Variants in MTMR1 observed in about 807,000 individuals in gnomAD.
The protein encoded by MTMR1 is myotubularin related protein 1.
A neutral mutation model predicts 51.6 loss-of-function variants in MTMR1; 17 were observed. The observed-to-expected ratio is 0.33, with a 90% CI of 0.23 to 0.49. MTMR1 has a LOEUF of 0.49. Ranked by LOEUF, MTMR1 falls within the 20% of genes least tolerant of loss-of-function variation. The pLI is 0.99. For missense variants in MTMR1, 386 were observed against 526.9 expected (o/e 0.73, Z 2.62); for synonymous variants, 201 against 205.6 (o/e 0.98, Z 0.19).
rs2043261219 is a variant in MTMR1, at chrX:150,765,066, T to C, written c.*2337T>C. The C allele has an allele frequency of 9.4e-6, 1 of 106,376 alleles. No individual in the cohort carries two copies. Among genetic ancestry groups the C allele is most frequent in the South Asian group, 3.9e-4 (1 of 2,590 alleles). 8.8% of individuals were successfully genotyped at this position (106,376 alleles called of 1,213,427 possible). ...ATATGATGATGTAAAGTAACTAACT[T>C]TATGTGATTTAATTCATTCAGTAAA... On this transcript the variant is annotated 3_prime_UTR_variant, in exon 16 of 16. Coordinates refer to ENST00000445323, the MANE Select transcript of MTMR1 (RefSeq NM_001306144.3).
chrX:150,740,160 C>T (rs2042384086), intron 12 of MTMR1, among the ~76,000 whole-genome samples: 1 of 111,709 alleles, frequency 9.0e-6, no homozygotes, highest in African/African-American at 3.3e-5. Flanking sequence ...CACCCTGATT[C>T]TCTGCTCTTC....
At chrX:150,698,678 GCGCA>G (rs1380150852) in intron 1 of MTMR1, among the ~76,000 whole-genome samples, 1,041 of 70,755 alleles carry the variant, frequency 0.015, 10 homozygotes, top group South Asian at 0.024. Flanking sequence ...CTACACGCGC[GCGCA>G]CACACACACA....
Position 150,712,621 on chromosome X carries a change from T to C in MTMR1, c.276+256T>C, listed in dbSNP as rs782609726. On this transcript the variant is annotated intron_variant, in intron 3 of 15. Coordinates refer to ENST00000445323, the MANE Select transcript of MTMR1 (RefSeq NM_001306144.3). ...TGTTACCAGTGTGCAATACTGACTT[T>C]TGTTGTACTACATGAATTATGACCA... is the stretch of plus-strand genomic sequence containing the variant. The C allele has an allele frequency of 2.3e-5, 8 of 343,271 alleles. No individual in the cohort carries two copies. The South Asian group carries it at 3.6e-4, about 15-fold the overall frequency. The allele number at this position is 343,271 out of a possible 1,213,427, so 28.3% of individuals were successfully genotyped here.
intron 1 of MTMR1, among the ~76,000 whole-genome samples, chrX:150,697,206 C>G (rs972028831): frequency 8.9e-5 from 10 of 111,988 alleles, no homozygotes; most frequent in African/African-American, 2.6e-4. Context: ...CCTTCTCCCC[C>G]TCAGGTCGAA....
At chrX:150,707,598 C>A (rs2148567923) in intron 2 of MTMR1, among the ~76,000 whole-genome samples, 1 of 112,146 alleles carries the variant, frequency 8.9e-6, no homozygotes, top group African/African-American at 3.2e-5. Flanking sequence ...ATGTGGAGAA[C>A]CAGATTATTC....
At chrX:150,760,221 G>A (rs1316171487) in intron 15 of MTMR1, among the ~76,000 whole-genome samples, 1 of 107,538 alleles carries the variant, frequency 9.3e-6, no homozygotes, top group Non-Finnish European at 2.0e-5. Context: ...GTGGGGGAGT[G>A]CATTGAAGAC....
chrX:150,762,682 G>C lies in MTMR1; in HGVS notation c.1975G>C (p.Gly659Arg). The change falls in exon 16 of 16, where the codon GGC (glycine) becomes CGC (arginine). Residue 659 changes from glycine (G) to arginine (R), a missense_variant. By Grantham distance (125) the Gly-to-Arg change is moderately radical (BLOSUM62 -2). Coordinates refer to ENST00000445323, the MANE Select transcript of MTMR1 (RefSeq NM_001306144.3). ...TRAVSSSSER[G>R]SSPSHSATSV... ...CGCCGTCTCATCCTCATCTGAGCGGGGCTCCTCGCCCTCCCACTCCGCCAC... is the reference window on the plus strand; with the variant it reads ...CGCCGTCTCATCCTCATCTGAGCGGCGCTCCTCGCCCTCCCACTCCGCCAC... 2 of 1,194,684 alleles carry C rather than the reference G, an allele frequency of 1.7e-6. No individual in the cohort carries two copies. The highest frequency in any genetic ancestry group is 2.3e-6 in the Non-Finnish European group (2 of 885,184).
intron 13 of MTMR1, among the ~76,000 whole-genome samples, chrX:150,750,226 T>A (rs2042687924): frequency 8.9e-6 from 1 of 111,997 alleles, no homozygotes; most frequent in African/African-American, 3.2e-5. Flanking sequence ...ATTCGGATTT[T>A]CTATTCTTCT....
intron 2 of MTMR1, among the ~76,000 whole-genome samples, chrX:150,701,929 A>G (rs1171706019): frequency 1.8e-5 from 2 of 111,638 alleles, no homozygotes; most frequent in East Asian, 5.6e-4. Context: ...GCCTAGAGAG[A>G]TGAAATGACT....
intron 15 of MTMR1, 112 bp downstream of exon 15, chrX:150,755,977 C>T (rs1276237693): frequency 3.2e-6 from 2 of 615,623 alleles, no homozygotes; most frequent in Non-Finnish European, 5.0e-6. Flanking sequence ...TACTGACCGT[C>T]TTCTGCCCTC....
At position 150,706,439 on chromosome X, in the gene MTMR1, G is replaced by T. The variant is rs148782825; in HGVS notation, c.253-5903G>T. Among the ~76,000 whole-genome samples, 786 of 112,062 alleles carry T rather than the reference G, an allele frequency of 7.0e-3. 5 individuals carry two copies. Among genetic ancestry groups the T allele is most frequent in the Admixed American group, 0.013 (135 of 10,564 alleles). Reference sequence around the variant, plus strand: ...TGGTTTTTGTTGTTGCTGTTGAGACGTAGGAGTTTTTTAATATGTTCTGGG... The same window carrying T: ...TGGTTTTTGTTGTTGCTGTTGAGACTTAGGAGTTTTTTAATATGTTCTGGG... On this transcript the variant is annotated intron_variant, in intron 2 of 15. Coordinates refer to ENST00000445323, the MANE Select transcript of MTMR1 (RefSeq NM_001306144.3).
intron 2 of MTMR1, among the ~76,000 whole-genome samples, chrX:150,707,569 TAAA>T (rs2041156880): frequency 8.9e-6 from 1 of 112,272 alleles, no homozygotes; most frequent in South Asian, 3.7e-4. Context: ...TAGAAATTTT[TAAA>T]AAGTGACAAC....
intron 1 of MTMR1, among the ~76,000 whole-genome samples, chrX:150,694,164 C>G (rs2040588841): frequency 9.0e-6 from 1 of 111,110 alleles, no homozygotes; most frequent in Non-Finnish European, 1.9e-5. Flanking sequence ...GAGATGGGAC[C>G]CCGCGGGCGT....
chrX:150,749,601 T>C (rs1359031754), intron 13 of MTMR1, among the ~76,000 whole-genome samples: 2 of 111,994 alleles, frequency 1.8e-5, no homozygotes, highest in African/African-American at 3.2e-5. Context: ...CTGCTGGCAA[T>C]AGTAATAGTC....
rs1603229099 is a variant in MTMR1 at position 150,699,404 on chromosome X, C to T, written c.252+104C>T. 12 of 477,620 alleles carry T rather than the reference C, an allele frequency of 2.5e-5. No homozygotes were observed. The East Asian group carries it at 4.6e-4, about 18-fold the overall frequency. 39.4% of individuals were successfully genotyped at this position (477,620 alleles called of 1,213,427 possible). ...TGTTGGCCTTTTGATGCAACATGGC[C>T]ATTTGCTCGAGAATAAGGATGAAAG... is the stretch of plus-strand genomic sequence containing the variant. On this transcript the variant is annotated intron_variant, in intron 2 of 15. Coordinates refer to ENST00000445323, the MANE Select transcript of MTMR1 (RefSeq NM_001306144.3).
chrX:150,737,127 C>T, intron 11 of MTMR1, 115 bp from the exon 12 acceptor site: 1 of 639,537 alleles, frequency 1.6e-6, no homozygotes, highest in South Asian at 3.0e-5. Context: ...GCCTGCCATT[C>T]TTGCTTGGTT....
intron 10 of MTMR1, chrX:150,736,293 A>T: frequency 4.7e-6 from 1 of 212,930 alleles, no homozygotes; most frequent in East Asian, 8.3e-5. Flanking sequence ...ACCTGGGACT[A>T]TCGGAACCTG....
chrX:150,713,340 A>G (rs2041377154), intron 3 of MTMR1, among the ~76,000 whole-genome samples: 1 of 112,319 alleles, frequency 8.9e-6, no homozygotes, highest in Non-Finnish European at 1.9e-5. Context: ...GGAAATTTCA[A>G]AAAACTGGCT....
Position 150,737,286 on chromosome X carries a change from T to C in MTMR1, c.1311T>C (p.Ser437=). The C allele has an allele frequency of 8.3e-7, 1 of 1,211,977 alleles. No individual in the cohort carries two copies. ...TAAGAATTGCTGATAAAATAGAATCTGGGAAAACATCTGTGGTGGTGCATT... is the reference window on the plus strand; with the variant it reads ...TAAGAATTGCTGATAAAATAGAATCCGGGAAAACATCTGTGGTGGTGCATT... ...GAVRIADKIE[S]GKTSVVVHCS... The change falls in exon 12 of 16, where the codon TCT becomes TCC. Residue 437 remains serine, a synonymous_variant. Coordinates refer to ENST00000445323, the MANE Select transcript of MTMR1 (RefSeq NM_001306144.3).
Sources: allele counts gnomAD v4.1 joint callset (sites outside exome capture counted in the v4.1 genomes callset), GRCh38; gene constraint gnomAD v4.1.1; transcripts MANE v1.5; gene names NCBI Gene and HGNC (gene_info 2026-07-23, HGNC 2026-07-21).